Variants in NRAP observed in about 807,000 individuals in gnomAD.
NRAP encodes the protein nebulin related anchoring protein.
A neutral mutation model predicts 225.9 loss-of-function variants in NRAP; 189 were observed. The observed-to-expected ratio is 0.84, with a 90% CI of 0.74 to 0.94. NRAP has a LOEUF of 0.94. Ranked by LOEUF, NRAP falls within the 40% of genes least tolerant of loss-of-function variation. NRAP has a pLI of 0.00. For missense variants in NRAP, 2,176 were observed against 2,168.7 expected (o/e 1.00, Z -0.07); for synonymous variants, 769 against 790.7 (o/e 0.97, Z 0.46).
intron 40 of NRAP, among the ~76,000 whole-genome samples, 200 bp downstream of exon 40, chr10:113,590,376 GAC>G (rs1845893538): frequency 6.6e-6 from 1 of 152,200 alleles, no homozygotes; most frequent in Non-Finnish European, 1.5e-5. Flanking sequence ...GAAAGCATTT[GAC>G]ACAGAGCCTG....
At chr10:113,653,119 A>G in intron 5 of NRAP, 80 bp from the exon 6 acceptor site, 1 of 741,124 alleles carries the variant, frequency 1.3e-6, no homozygotes, top group Non-Finnish European at 2.3e-6. Context: ...AAAACCAATG[A>G]AACTAGATTC....
In NRAP at chr10:113,606,182, C is replaced by T. The variant is rs1466262107; in HGVS notation, c.3803G>A (p.Ser1268Asn). ...IRAKTNAANL[S>N]DARYKESWRN... Reference sequence around the variant, plus strand: ...TTAAGTAACAAAAGGGCTTACGTCACTCAGGTTGGCTGCATTCGTTTTTGC... The same window carrying T: ...TTAAGTAACAAAAGGGCTTACGTCATTCAGGTTGGCTGCATTCGTTTTTGC... Residue 1268 changes from serine (S) to asparagine (N), a missense_variant, in exon 33 of 42, where the codon AGT becomes AAT. Ser to Asn is a conservative substitution (Grantham distance 46). Around this residue, in one of 3 missense-constraint regions of NRAP, gnomAD observed 1,708 missense variants for 1,695.5 expected, o/e 1.01. Transcript: ENST00000359988. The T allele has an allele frequency of 6.2e-7, 1 of 1,611,932 alleles. No homozygotes were observed. Among genetic ancestry groups the T allele is most frequent in the East Asian group, 2.2e-5 (1 of 44,882 alleles).
At chr10:113,612,194 G>A (rs1564714003) in intron 30 of NRAP, 40 bp downstream of exon 30, 2 of 1,566,526 alleles carry the variant, frequency 1.3e-6, no homozygotes, top group Non-Finnish European at 1.8e-6. Flanking sequence ...GAGGTCCTAA[G>A]AGAAGAAGGG....
At chr10:113,609,214 C>T (rs1361042485) in intron 31 of NRAP, among the ~76,000 whole-genome samples, 1 of 152,082 alleles carries the variant, frequency 6.6e-6, no homozygotes, top group African/African-American at 2.4e-5. Context: ...AATAGGTGTG[C>T]CTACACCCCA....
At chr10:113,634,338 A>G (rs1046169369) in intron 14 of NRAP, 128 bp from the exon 15 acceptor site, 7 of 666,362 alleles carry the variant, frequency 1.1e-5, no homozygotes, top group African/African-American at 1.8e-5. Flanking sequence ...CAATATTCCA[A>G]CTGGATACTG....
rs4636593 is a variant in NRAP at position 113,613,921 on chromosome 10, A to T, written c.3300+262T>A. On this transcript the variant is annotated intron_variant, in intron 29 of 41. Transcript: ENST00000359988. ...CCAAATCCAGCCCAGGGTCAAATCC[A>T]GACCAGTGGCCCATGTCCACTGGTG... Among the ~76,000 whole-genome samples the T allele has an allele frequency of 4.6e-5, 7 of 152,086 alleles. No individual in the cohort carries two copies. The East Asian group carries it at 9.7e-4, about 21-fold the overall frequency.
At chr10:113,614,340 G>A in intron 28 of NRAP, 44 bp from the exon 29 acceptor site, 1 of 1,320,450 alleles carries the variant, frequency 7.6e-7, no homozygotes, top group Non-Finnish European at 1.1e-6. Flanking sequence ...TCAGGGATAA[G>A]GGACACAGAA....
At chr10:113,658,234 A>G (rs1176763580) in intron 3 of NRAP, among the ~76,000 whole-genome samples, 1 of 152,168 alleles carries the variant, frequency 6.6e-6, no homozygotes, top group Non-Finnish European at 1.5e-5. Flanking sequence ...TGCCAATTCT[A>G]TGCTGAGTTA....
At position 113,607,199 on chromosome 10, in the gene NRAP, TCAAACAAA is replaced by T. The variant is rs200325806; in HGVS notation, c.3703-925_3703-918del. 0.01 allele frequency among the ~76,000 whole-genome samples: 1,464 copies of T among 140,294 alleles called. 65 individuals are homozygous for T. In the East Asian group the frequency reaches 0.17, roughly 16 times the overall value. 92.0% of individuals were successfully genotyped at this position (140,294 alleles called of 152,430 possible). ...CTGGGCGACAGAGCGTGACTCTGTCTCAAACAAACAAACAAACAAACAAAAACAAAACA... is the reference window on the plus strand; with the variant it reads ...CTGGGCGACAGAGCGTGACTCTGTCTCAAACAAACAAACAAAAACAAAACA... On this transcript the variant is annotated intron_variant, in intron 32 of 41. Coordinates refer to ENST00000359988, the MANE Select transcript of NRAP (RefSeq NM_198060.4).
intron 9 of NRAP, among the ~76,000 whole-genome samples, chr10:113,648,465 C>CTA (rs1326507151): frequency 6.6e-3 from 695 of 105,190 alleles, no homozygotes; most frequent in Non-Finnish European, 8.3e-3. Context: ...CTCTCTCTCT[C>CTA]TCTATATATA....
intron 9 of NRAP, among the ~76,000 whole-genome samples, chr10:113,648,563 AG>A (rs200787479): frequency 1.3e-4 from 20 of 151,250 alleles, no homozygotes; most frequent in African/African-American, 4.9e-4. Flanking sequence ...TAACAAGTCT[AG>A]TTACTTGTTA....
At chr10:113,596,863 C>T (rs1323276892) in intron 37 of NRAP, among the ~76,000 whole-genome samples, 1 of 152,136 alleles carries the variant, frequency 6.6e-6, no homozygotes, top group Admixed American at 6.5e-5. Flanking sequence ...CCCCGAAACC[C>T]CAACCTCCTT....
chr10:113,631,703 G>GA (rs1848592851), intron 17 of NRAP, 93 bp from the exon 18 acceptor site: 3 of 933,578 alleles, frequency 3.2e-6, no homozygotes, highest in Admixed American at 2.2e-5. Flanking sequence ...GAACAATTCT[G>GA]AAAAAACACC....
At chr10:113,655,452 A>ATTT (rs1554870758) in intron 4 of NRAP, among the ~76,000 whole-genome samples, 2 of 145,298 alleles carry the variant, frequency 1.4e-5, no homozygotes, top group South Asian at 2.2e-4. Flanking sequence ...TTGTACATCC[A>ATTT]TTTTTTTTTT....
chr10:113,623,360 G>A lies in NRAP; in HGVS notation c.2457+169C>T, dbSNP rs559584157. Among the ~76,000 whole-genome samples, 161 of 152,306 alleles carry A rather than the reference G, an allele frequency of 1.1e-3. 1 individual carries two copies. Among genetic ancestry groups the A allele is most frequent in the Middle Eastern group, 6.8e-3 (2 of 294 alleles). On this transcript the variant is annotated intron_variant, in intron 23 of 41. Coordinates refer to ENST00000359988, the MANE Select transcript of NRAP (RefSeq NM_198060.4). ...GTGGCAAGCAGTTATTAAATAGATA[G>A]GCACAGATGTGATTATCTCATTGCA...
intron 1 of NRAP, 39 bp from the exon 2 acceptor site, chr10:113,663,485 TC>T (rs745392186): frequency 1.5e-5 from 18 of 1,239,818 alleles, no homozygotes; most frequent in East Asian, 2.3e-5. Context: ...ATTACCCTTT[TC>T]CCCCCAGACT....
In NRAP at chr10:113,646,970, T is replaced by A; in HGVS notation, c.946A>T (p.Thr316Ser). The A allele has an allele frequency of 6.2e-7, 1 of 1,614,094 alleles. No individual in the cohort carries two copies. Among genetic ancestry groups the A allele is most frequent in the Non-Finnish European group, 8.5e-7 (1 of 1,179,976 alleles). Reference sequence around the variant, plus strand: ...TTCTTGGCGTTCTGATATGCTGGAGTGATCATAGCTGGGAAGCTGCCCTTT... The same window carrying A: ...TTCTTGGCGTTCTGATATGCTGGAGAGATCATAGCTGGGAAGCTGCCCTTT... Reference protein sequence around the residue: ...RGKGSFPAMITPAYQNAKKAH... With the variant: ...RGKGSFPAMISPAYQNAKKAH... Residue 316 changes from threonine to serine, a missense_variant, in exon 10 of 42, where the codon ACT (threonine) becomes TCT (serine). Thr to Ser is a moderately conservative substitution (Grantham distance 58). This residue lies in a region of NRAP where 1,708 missense variants were observed against 1,695.5 expected (regional missense o/e 1.01). Coordinates refer to ENST00000359988, the MANE Select transcript of NRAP (RefSeq NM_198060.4).
At chr10:113,630,825 T>A (rs772830520) in intron 18 of NRAP, among the ~76,000 whole-genome samples, 3 of 152,206 alleles carry the variant, frequency 2.0e-5, no homozygotes, top group Non-Finnish European at 4.4e-5. Context: ...GATAATTACA[T>A]CCAACTGTAC....
At chr10:113,596,606 C>T (rs1338628100) in intron 37 of NRAP, among the ~76,000 whole-genome samples, 6 of 151,990 alleles carry the variant, frequency 3.9e-5, no homozygotes, top group African/African-American at 1.5e-4. Context: ...TTTTTCTTAA[C>T]TGGGTTATAT....
Sources: allele counts gnomAD v4.1 joint callset (sites outside exome capture counted in the v4.1 genomes callset), GRCh38; gene constraint gnomAD v4.1.1; regional missense constraint gnomAD v4.1.1; transcripts MANE v1.5; gene names NCBI Gene and HGNC (gene_info 2026-07-23, HGNC 2026-07-21).